The following FLVCR2 variants were observed in gnomAD, a reference collection of about 807,000 sequenced individuals.
FLVCR2 encodes FLVCR choline and putative heme transporter 2, also known as choline/ethanolamine transporter FLVCR2.
Under a neutral mutation model 48.9 loss-of-function variants are expected in FLVCR2, and 38 were observed. That is an observed-to-expected ratio of 0.78 (90% CI 0.60 to 1.02). FLVCR2 has a LOEUF of 1.02. FLVCR2 is among the 50% of genes least tolerant of loss of function. The probability of loss-of-function intolerance (pLI) is 0.00; values close to 1 mark genes in which losing one functional copy is unlikely to be tolerated. For missense variants in FLVCR2, 664 were observed against 663.3 expected, an observed-to-expected ratio of 1.00 and a Z score of -0.01; for synonymous variants, 255 against 257.0, an observed-to-expected ratio of 0.99 and a Z score of 0.07.
intron 9 of FLVCR2, among the ~76,000 whole-genome samples, chr14:75,644,715 G>A (rs1036566146): frequency 3.9e-5 from 6 of 152,132 alleles, no homozygotes; most frequent in Non-Finnish European, 7.4e-5. Context: ...CTCTGGAGCC[G>A]TGACATTACG....
rs975061500 is a variant in FLVCR2 at position 75,647,581 on chromosome 14, C to A, written c.*1109C>A. 6.6e-6 allele frequency: 1 copy of A among 152,644 alleles called. No homozygotes were observed. The highest frequency in any genetic ancestry group is 1.5e-5 in the Non-Finnish European group (1 of 68,054). 9.5% of individuals were successfully genotyped at this position (152,644 alleles called of 1,614,324 possible). ...TTTGCACCACCAACCCCTCTCCTCA[C>A]CTGCTTTGAGCGATAATCTTTATCA... On this transcript the variant is annotated 3_prime_UTR_variant, in exon 10 of 10. Coordinates refer to ENST00000238667, the MANE Select transcript of FLVCR2 (RefSeq NM_017791.3).
Position 75,646,444 on chromosome 14 carries a change from C to T in FLVCR2, c.1553C>T (p.Pro518Leu). The change falls in exon 10 of 10, where the codon CCC becomes CTC. Residue 518 changes from proline (P) to leucine (L), a missense_variant. By Grantham distance (98) the Pro-to-Leu change is moderately conservative. Coordinates refer to ENST00000238667, the MANE Select transcript of FLVCR2 (RefSeq NM_017791.3). Reference protein sequence around the residue: ...EEEESNTSKVPTAVSEDHL With the variant: ...EEEESNTSKVLTAVSEDHL ...GAGGAGAGCAACACCAGCAAAGTGCCCACTGCTGTGTCAGAGGATCATCTC... is the reference window on the plus strand; with the variant it reads ...GAGGAGAGCAACACCAGCAAAGTGCTCACTGCTGTGTCAGAGGATCATCTC... 6.2e-7 allele frequency: 1 copy of T among 1,613,810 alleles called. No individual in the cohort carries two copies. Among genetic ancestry groups the T allele is most frequent in the Non-Finnish European group, 8.5e-7 (1 of 1,179,744 alleles).
At chr14:75,598,488 C>T (rs1022644327) in intron 1 of FLVCR2, among the ~76,000 whole-genome samples, 14 of 151,616 alleles carry the variant, frequency 9.2e-5, no homozygotes, top group East Asian at 7.8e-4. Context: ...TTCTTTTTTC[C>T]GTTTTTAGAG....
chr14:75,580,641 T>G (rs1355093889), intron 1 of FLVCR2, among the ~76,000 whole-genome samples: 2 of 152,006 alleles, frequency 1.3e-5, no homozygotes, highest in Non-Finnish European at 2.9e-5. Flanking sequence ...TTATAGGTTT[T>G]GGGATAGGTG....
At chr14:75,611,064 G>A (rs1037576505) in intron 1 of FLVCR2, among the ~76,000 whole-genome samples, 1 of 152,172 alleles carries the variant, frequency 6.6e-6, no homozygotes, top group Admixed American at 6.5e-5. Flanking sequence ...GAGCAAATGT[G>A]AGTCAATGTC....
At chr14:75,603,720 C>A (rs768514693) in intron 1 of FLVCR2, among the ~76,000 whole-genome samples, 2 of 152,152 alleles carry the variant, frequency 1.3e-5, no homozygotes, top group Non-Finnish European at 2.9e-5. Flanking sequence ...GATACTCCCC[C>A]CTTAGATGCT....
intron 1 of FLVCR2, among the ~76,000 whole-genome samples, chr14:75,580,679 C>CAG (rs57150229): frequency 0.13 from 19,204 of 152,144 alleles, 2,486 homozygotes; most frequent in African/African-American, 0.31. Context: ...GTTTTTCAGA[C>CAG]AGGGTGGATC....
intron 3 of FLVCR2, chr14:75,631,868 A>G: frequency 2.2e-6 from 1 of 455,832 alleles, no homozygotes; most frequent in South Asian, 1.5e-5. Flanking sequence ...CTTGAATGAG[A>G]TGTTGCTGAG....
At chr14:75,586,062 G>A (rs1401657980) in intron 1 of FLVCR2, among the ~76,000 whole-genome samples, 2 of 152,168 alleles carry the variant, frequency 1.3e-5, no homozygotes, top group South Asian at 2.1e-4. Context: ...CTGGGTCTTC[G>A]GCACTAAATG....
At chr14:75,596,268 C>G in intron 1 of FLVCR2, 1 of 546,788 alleles carries the variant, frequency 1.8e-6, no homozygotes. Flanking sequence ...TTCTAGCCTC[C>G]TATTGTGCAT....
At chr14:75,609,979 G>A (rs908516726) in intron 1 of FLVCR2, among the ~76,000 whole-genome samples, 1 of 152,176 alleles carries the variant, frequency 6.6e-6, no homozygotes, top group Non-Finnish European at 1.5e-5. Flanking sequence ...CTGGTGTCTG[G>A]GACAGAATTG....
intron 1 of FLVCR2, among the ~76,000 whole-genome samples, chr14:75,615,826 T>G (rs1318991901): frequency 6.8e-6 from 1 of 146,896 alleles, no homozygotes; most frequent in Non-Finnish European, 1.5e-5. Flanking sequence ...GAGACCATCC[T>G]GGCTAACACA....
At chr14:75,586,560 C>A (rs571686696) in intron 1 of FLVCR2, among the ~76,000 whole-genome samples, 15 of 152,222 alleles carry the variant, frequency 9.9e-5, no homozygotes, top group South Asian at 4.2e-4. Flanking sequence ...GAAAATGTAA[C>A]CTTTAATTTA....
chr14:75,584,313 G>A (rs1888684244), intron 1 of FLVCR2, among the ~76,000 whole-genome samples: 1 of 152,194 alleles, frequency 6.6e-6, no homozygotes, highest in Admixed American at 6.5e-5. Context: ...CCTTGAAGGC[G>A]AGGTTGATTA....
chr14:75,632,879 T>C lies in FLVCR2; in HGVS notation c.953-750T>C, dbSNP rs548005071. 2.6e-5 allele frequency: 18 copies of C among 702,350 alleles called. 1 individual carries two copies. The East Asian group carries it at 4.0e-4, about 16-fold the overall frequency. The allele number at this position is 702,350 out of a possible 1,614,324, so 43.5% of individuals were successfully genotyped here. On this transcript the variant is annotated intron_variant, in intron 3 of 9. Transcript: ENST00000238667. ...GAGTTGTCATAAAGTGTCTAATCCA[T>C]AGGTATGTGCAGCCGCCATTGTCAT...
intron 1 of FLVCR2, among the ~76,000 whole-genome samples, chr14:75,595,576 G>A (rs558594122): frequency 6.6e-6 from 1 of 152,226 alleles, no homozygotes; most frequent in Non-Finnish European, 1.5e-5. Context: ...TTTGGATCTT[G>A]TAATGTCAGA....
chr14:75,595,641 A>G (rs559113017), intron 1 of FLVCR2, among the ~76,000 whole-genome samples: 10 of 152,340 alleles, frequency 6.6e-5, no homozygotes, highest in African/African-American at 2.4e-4. Flanking sequence ...TCTTTTGTTC[A>G]CATCTATTGA....
At chr14:75,602,838 A>G (rs1889198810) in intron 1 of FLVCR2, among the ~76,000 whole-genome samples, 1 of 152,200 alleles carries the variant, frequency 6.6e-6, no homozygotes, top group African/African-American at 2.4e-5. Flanking sequence ...AATTGTGTAT[A>G]TTTAACCACC....
chr14:75,581,557 G>C (rs932636298), intron 1 of FLVCR2, among the ~76,000 whole-genome samples: 9 of 151,784 alleles, frequency 5.9e-5, no homozygotes, highest in Non-Finnish European at 1.2e-4. Flanking sequence ...GGACTGTATA[G>C]AGGTGGGAAG....
Sources: gnomAD v4.1 joint callset for allele counts (sites outside exome capture counted in the v4.1 genomes callset) on GRCh38, gnomAD v4.1.1 for gene constraint, MANE v1.5 for transcripts, NCBI Gene and HGNC (gene_info 2026-07-23, HGNC 2026-07-21) for gene names.